MBD2: variants seen among roughly 807,000 people sequenced by gnomAD.
MBD2 encodes methyl-CpG-binding domain protein 2.
A neutral mutation model predicts 39.3 loss-of-function variants in MBD2; 9 were observed. The observed-to-expected ratio is 0.23, with a 90% CI of 0.14 to 0.40. MBD2 has a LOEUF of 0.40. Ranked by LOEUF, MBD2 falls within the 10% of genes least tolerant of loss-of-function variation. The probability of loss-of-function intolerance (pLI) is 1.00; values close to 1 mark genes in which losing one functional copy is unlikely to be tolerated. For synonymous variants in MBD2, 233 were observed against 211.1 expected, an observed-to-expected ratio of 1.10 and a Z score of -0.90; for missense variants, 458 against 532.6, an observed-to-expected ratio of 0.86 and a Z score of 1.38.
intron 3 of MBD2, among the ~76,000 whole-genome samples, chr18:54,180,903 CTTTT>C (rs1189903798): frequency 1.0e-4 from 5 of 49,880 alleles, no homozygotes; most frequent in African/African-American, 6.0e-4. Flanking sequence ...TTTTCTTTTT[CTTTT>C]TTTTTTTTTT....
chr18:54,166,721 A>G (rs1292270449), intron 3 of MBD2, among the ~76,000 whole-genome samples: 1 of 152,150 alleles, frequency 6.6e-6, no homozygotes, highest in Admixed American at 6.5e-5. Flanking sequence ...TGGATGTCAC[A>G]TTCATGAGTG....
chr18:54,213,302 T>C (rs566265756), intron 1 of MBD2, among the ~76,000 whole-genome samples: 27 of 152,248 alleles, frequency 1.8e-4, no homozygotes, highest in Admixed American at 1.6e-3. Flanking sequence ...CATAGGAGCA[T>C]GAACCCTACT....
At chr18:54,211,860 C>T (rs2086510540) in intron 1 of MBD2, among the ~76,000 whole-genome samples, 1 of 146,140 alleles carries the variant, frequency 6.8e-6, no homozygotes, top group South Asian at 2.1e-4. Flanking sequence ...CCTATGGCCT[C>T]CTTTTTTTTT....
In MBD2 at chr18:54,161,352, T is replaced by C. The variant is rs547745629; in HGVS notation, c.1110-1449A>G. 1.6e-3 allele frequency among the ~76,000 whole-genome samples: 242 copies of C among 152,370 alleles called. 1 individual carries two copies. The highest frequency in any genetic ancestry group is 5.5e-3 in the African/African-American group (229 of 41,584). ...GGGTCAGTCTTAGCTCTATAGCCTC[T>C]GTCATATTAAAAGAAACTGGAATTT... On this transcript the variant is annotated intron_variant, in intron 5 of 6. Transcript: ENST00000256429.
rs2086043263 is a variant in MBD2, at chr18:54,155,122, C to G, written c.*202G>C. Reference sequence around the variant, plus strand: ...AAAAGACTAATTTTAAGTCCTAGGACTCAAAATAAACATGATTTTTTGAAT... The same window carrying G: ...AAAAGACTAATTTTAAGTCCTAGGAGTCAAAATAAACATGATTTTTTGAAT... On this transcript the variant is annotated 3_prime_UTR_variant, in exon 7 of 7. Coordinates refer to ENST00000256429, the MANE Select transcript of MBD2 (RefSeq NM_003927.5). The G allele has an allele frequency of 6.6e-6, 1 of 152,364 alleles. No homozygotes were observed. The highest frequency in any genetic ancestry group is 2.4e-5 in the African/African-American group (1 of 41,342). The allele number at this position is 152,364 out of a possible 1,614,324, so 9.4% of individuals were successfully genotyped here. A position where few individuals can be genotyped will look rare whatever the true frequency, so the allele number is the denominator to read the frequency against.
chr18:54,162,271 C>T (rs753859171), intron 5 of MBD2, among the ~76,000 whole-genome samples: 5 of 152,116 alleles, frequency 3.3e-5, no homozygotes, highest in East Asian at 1.9e-4. Flanking sequence ...TATTAAAAAA[C>T]GAAAGTACTC....
At chr18:54,186,139 A>C (rs1215184723) in intron 3 of MBD2, among the ~76,000 whole-genome samples, 1 of 152,110 alleles carries the variant, frequency 6.6e-6, no homozygotes, top group Non-Finnish European at 1.5e-5. Context: ...TCAGAAGCCT[A>C]ATCCTAGTTA....
chr18:54,176,945 A>G (rs2086216076), intron 3 of MBD2, among the ~76,000 whole-genome samples: 1 of 152,220 alleles, frequency 6.6e-6, no homozygotes, highest in Non-Finnish European at 1.5e-5. Context: ...GCTGATGAAG[A>G]CAGAGGTGCA....
At chr18:54,205,258 T>C (rs1186597001) in intron 1 of MBD2, 101 bp from the exon 2 acceptor site, 2 of 1,008,840 alleles carry the variant, frequency 2.0e-6, no homozygotes, top group Admixed American at 2.7e-5. Context: ...CCCATTCTAA[T>C]TTTACATATT....
chr18:54,222,200 T>A, intron 1 of MBD2: 1 of 333,592 alleles, frequency 3.0e-6, no homozygotes, highest in South Asian at 2.3e-5. Flanking sequence ...AACGAACAAT[T>A]GTGAACGGCA....
chr18:54,154,192 T>C lies in MBD2; in HGVS notation c.*1132A>G, dbSNP rs919375764. On this transcript the variant is annotated 3_prime_UTR_variant, in exon 7 of 7. Coordinates refer to ENST00000256429, the MANE Select transcript of MBD2 (RefSeq NM_003927.5). ...ACTCCCTCCCTTCCTTGGTATCAGA[T>C]TAAGTATGTTTTGATTTTAGAAATC... 1 of 152,212 alleles carries C rather than the reference T, an allele frequency of 6.6e-6. No individual in the cohort carries two copies. Among genetic ancestry groups the C allele is most frequent in the African/African-American group, 2.4e-5 (1 of 41,446 alleles). 9.4% of individuals were successfully genotyped at this position (152,212 alleles called of 1,614,324 possible).
chr18:54,164,395 A>G, intron 5 of MBD2, 128 bp downstream of exon 5: 1 of 809,708 alleles, frequency 1.2e-6, no homozygotes. Context: ...AAACTCTGTT[A>G]AAAAAGAAAA....
At chr18:54,176,097 G>T (rs1455732296) in intron 3 of MBD2, among the ~76,000 whole-genome samples, 4 of 152,160 alleles carry the variant, frequency 2.6e-5, no homozygotes, top group Admixed American at 2.6e-4. Flanking sequence ...AGTTTTATCT[G>T]CAATCTACAT....
At chr18:54,216,870 C>A (rs998375150) in intron 1 of MBD2, among the ~76,000 whole-genome samples, 5 of 152,184 alleles carry the variant, frequency 3.3e-5, no homozygotes, top group Admixed American at 6.5e-5. Context: ...GCAGGTGGAT[C>A]ACCTGAGTTC....
intron 3 of MBD2, among the ~76,000 whole-genome samples, chr18:54,181,171 A>T (rs2086249697): frequency 6.6e-6 from 1 of 152,096 alleles, no homozygotes; most frequent in South Asian, 2.1e-4. Flanking sequence ...CTGGGATTAC[A>T]GATGTTGAGC....
intron 3 of MBD2, among the ~76,000 whole-genome samples, chr18:54,170,085 T>G (rs1195008786): frequency 2.0e-5 from 3 of 152,232 alleles, no homozygotes; most frequent in African/African-American, 4.8e-5. Flanking sequence ...TAACTGACAG[T>G]GCAGAGCATC....
At chr18:54,177,278 T>C (rs956415118) in intron 3 of MBD2, among the ~76,000 whole-genome samples, 6 of 152,218 alleles carry the variant, frequency 3.9e-5, no homozygotes, top group African/African-American at 1.2e-4. Context: ...TTTATGAAGA[T>C]GGGGGCATGT....
intron 1 of MBD2, among the ~76,000 whole-genome samples, chr18:54,221,273 C>T (rs528926329): frequency 7.2e-5 from 11 of 151,726 alleles, no homozygotes; most frequent in African/African-American, 1.5e-4. Flanking sequence ...CTGGCTAACA[C>T]GGTAAAACCC....
intron 1 of MBD2, among the ~76,000 whole-genome samples, chr18:54,221,938 G>A (rs941988543): frequency 1.9e-4 from 29 of 152,172 alleles, no homozygotes; most frequent in Admixed American, 1.8e-3. Flanking sequence ...AAGTCAGTCT[G>A]AACAAAAACA....
Sources: allele counts gnomAD v4.1 joint callset (sites outside exome capture counted in the v4.1 genomes callset), GRCh38; gene constraint gnomAD v4.1.1; transcripts MANE v1.5; gene names NCBI Gene and HGNC (gene_info 2026-07-23, HGNC 2026-07-21).